GRID2: variants seen among roughly 807,000 people sequenced by gnomAD.
GRID2 encodes glutamate ionotropic receptor delta type subunit 2.
GRID2 carries 33 observed loss-of-function variants against 114.8 expected under a neutral mutation model. The observed-to-expected ratio is 0.29, with a 90% CI of 0.22 to 0.38. GRID2 has a LOEUF of 0.38. GRID2 is among the 10% of genes least tolerant of loss of function. The pLI is 1.00. For synonymous variants in GRID2, 505 were observed against 449.9 expected, an observed-to-expected ratio of 1.12 and a Z score of -1.55; for missense variants, 1,184 against 1,257.7, an observed-to-expected ratio of 0.94 and a Z score of 0.89.
chr4:92,654,950 A>G (rs963951137), intron 2 of GRID2, among the ~76,000 whole-genome samples: 5 of 151,970 alleles, frequency 3.3e-5, no homozygotes, highest in African/African-American at 1.2e-4. Context: ...TCTTAGCCAT[A>G]AAATCTTTGC....
intron 2 of GRID2, among the ~76,000 whole-genome samples, chr4:93,005,905 T>C (rs775123602): frequency 6.6e-6 from 1 of 152,066 alleles, no homozygotes; most frequent in Non-Finnish European, 1.5e-5. Flanking sequence ...TCTACCACTC[T>C]CCATTTACAT....
At chr4:92,756,178 AG>A (rs1488697230) in intron 2 of GRID2, among the ~76,000 whole-genome samples, 1 of 152,102 alleles carries the variant, frequency 6.6e-6, no homozygotes, top group Non-Finnish European at 1.5e-5. Context: ...CCCATATATG[AG>A]TGAGCACATG....
chr4:93,125,803 G>C (rs200858377), intron 4 of GRID2, among the ~76,000 whole-genome samples: 1 of 152,222 alleles, frequency 6.6e-6, no homozygotes, highest in African/African-American at 2.4e-5. Context: ...GTTTAGAACT[G>C]ACCAGAATTC....
chr4:93,666,282 T>G (rs1723936727), intron 14 of GRID2, among the ~76,000 whole-genome samples: 1 of 152,062 alleles, frequency 6.6e-6, no homozygotes, highest in South Asian at 2.1e-4. Flanking sequence ...ATAAGCACCT[T>G]TTATTGAATT....
chr4:93,105,003 A>G (rs1199803766), intron 3 of GRID2, among the ~76,000 whole-genome samples: 37 of 151,790 alleles, frequency 2.4e-4, no homozygotes, highest in Non-Finnish European at 4.4e-4. Context: ...TGCCATTCTA[A>G]CTGGTGTGAG....
intron 1 of GRID2, among the ~76,000 whole-genome samples, chr4:92,531,603 T>C (rs183680193): frequency 1.4e-4 from 22 of 152,218 alleles, no homozygotes; most frequent in Non-Finnish European, 2.6e-4. Flanking sequence ...ACATTTTGAA[T>C]AGGTCATCAC....
At chr4:92,455,088 TTTC>T (rs1262534116) in intron 1 of GRID2, among the ~76,000 whole-genome samples, 1 of 152,172 alleles carries the variant, frequency 6.6e-6, no homozygotes, top group Non-Finnish European at 1.5e-5. Flanking sequence ...CCGCTGTAAA[TTTC>T]TATTCATTAA....
chr4:93,218,591 A>G (rs1744509675), intron 6 of GRID2, among the ~76,000 whole-genome samples: 1 of 152,158 alleles, frequency 6.6e-6, no homozygotes, highest in African/African-American at 2.4e-5. Flanking sequence ...CTCCATCATA[A>G]TTACCACAGT....
chr4:92,844,400 C>T (rs763022812), intron 2 of GRID2, among the ~76,000 whole-genome samples: 1 of 151,696 alleles, frequency 6.6e-6, no homozygotes, highest in African/African-American at 2.4e-5. Flanking sequence ...ATTAGCCAAG[C>T]GTGGTGGCAG....
At chr4:92,532,515 A>G (rs1725403316) in intron 1 of GRID2, among the ~76,000 whole-genome samples, 1 of 152,118 alleles carries the variant, frequency 6.6e-6, no homozygotes, top group South Asian at 2.1e-4. Flanking sequence ...TGAAAGTGTA[A>G]TTAATCAGAG....
At chr4:92,768,046 T>C (rs912852871) in intron 2 of GRID2, among the ~76,000 whole-genome samples, 1 of 152,194 alleles carries the variant, frequency 6.6e-6, no homozygotes, top group Non-Finnish European at 1.5e-5. Flanking sequence ...TAAAATTAAA[T>C]ATTTTCATCC....
At chr4:93,376,363 A>T (rs1763381429) in intron 8 of GRID2, among the ~76,000 whole-genome samples, 1 of 152,234 alleles carries the variant, frequency 6.6e-6, no homozygotes, top group South Asian at 2.1e-4. Context: ...TAGATTTACC[A>T]ATTTGCAAAT....
chr4:93,104,862 A>G (rs1732052305), intron 3 of GRID2, among the ~76,000 whole-genome samples: 3 of 152,062 alleles, frequency 2.0e-5, no homozygotes, highest in Admixed American at 2.0e-4. Flanking sequence ...TTCTAGTTCT[A>G]GATCCCTGAG....
At chr4:92,915,120 G>A (rs1748681002) in intron 2 of GRID2, among the ~76,000 whole-genome samples, 1 of 152,064 alleles carries the variant, frequency 6.6e-6, no homozygotes. Context: ...GAGCGAAGGG[G>A]GAAGAGTCCC....
rs558546162 is a variant in GRID2, at chr4:93,526,343, G to C, written c.2193+10932G>C. Among the ~76,000 whole-genome samples the C allele has an allele frequency of 5.2e-3, 785 of 152,264 alleles. 4 individuals are homozygous for C. The highest frequency in any genetic ancestry group is 0.018 in the African/African-American group (754 of 41,546). ...GGCCTCCTCAGCCATGCAGAACTGT[G>C]AGTCAGTTAAACCTCTTTTCTTTAT... On this transcript the variant is annotated intron_variant, in intron 13 of 15. Transcript: ENST00000282020.
intron 2 of GRID2, among the ~76,000 whole-genome samples, chr4:93,020,306 T>A (rs1276399025): frequency 6.6e-6 from 1 of 152,196 alleles, no homozygotes; most frequent in Non-Finnish European, 1.5e-5. Context: ...GAATTTTTCT[T>A]TTCAGCCTAA....
At chr4:92,797,383 C>A (rs1262148585) in intron 2 of GRID2, among the ~76,000 whole-genome samples, 1 of 151,804 alleles carries the variant, frequency 6.6e-6, no homozygotes, top group African/African-American at 2.4e-5. Flanking sequence ...ATGGGAGTTG[C>A]CTATGAAATT....
chr4:93,069,729 C>T (rs574890044), intron 2 of GRID2, among the ~76,000 whole-genome samples: 2 of 152,028 alleles, frequency 1.3e-5, no homozygotes, highest in Non-Finnish European at 1.5e-5. Context: ...ACCATCTTGT[C>T]GGTCAATCAC....
At chr4:92,501,220 T>C (rs1159060096) in intron 1 of GRID2, among the ~76,000 whole-genome samples, 1 of 152,158 alleles carries the variant, frequency 6.6e-6, no homozygotes, top group Non-Finnish European at 1.5e-5. Flanking sequence ...AATTGATTGA[T>C]ACAGGAGTAG....
Sources: allele counts gnomAD v4.1 joint callset (sites outside exome capture counted in the v4.1 genomes callset), GRCh38; gene constraint gnomAD v4.1.1; transcripts MANE v1.5; gene names NCBI Gene and HGNC (gene_info 2026-07-23, HGNC 2026-07-21).